Variants in SNX2 observed in about 807,000 individuals in gnomAD.
SNX2 encodes the protein sorting nexin 2.
In SNX2, 25 loss-of-function variants were observed where a neutral mutation model predicts 69.9. The ratio of observed to expected loss-of-function variants is 0.36; its 90% CI spans 0.26 to 0.50. SNX2 has a LOEUF of 0.50. SNX2 is among the 20% of genes least tolerant of loss of function. The pLI is 0.97. For missense variants in SNX2, 551 were observed against 613.3 expected (o/e 0.90, Z 1.07); for synonymous variants, 229 against 200.4 (o/e 1.14, Z -1.20).
intron 1 of SNX2, among the ~76,000 whole-genome samples, chr5:122,776,027 C>T (rs1316202501): frequency 6.6e-6 from 1 of 152,096 alleles, no homozygotes; most frequent in East Asian, 1.9e-4. Flanking sequence ...GTATTGGGCC[C>T]TCCTTATATC....
At chr5:122,794,904 T>C (rs550214216) in intron 1 of SNX2, among the ~76,000 whole-genome samples, 2 of 152,122 alleles carry the variant, frequency 1.3e-5, no homozygotes, top group Non-Finnish European at 2.9e-5. Context: ...GCATTTTTAG[T>C]CCCAGCTACC....
intron 1 of SNX2, among the ~76,000 whole-genome samples, chr5:122,784,770 C>T (rs1336177066): frequency 6.6e-6 from 1 of 151,976 alleles, no homozygotes; most frequent in Non-Finnish European, 1.5e-5. Flanking sequence ...CGAGTGTTTC[C>T]TCTTATTTCA....
chr5:122,822,235 C>T (rs1419398006), intron 11 of SNX2, among the ~76,000 whole-genome samples: 2 of 152,138 alleles, frequency 1.3e-5, no homozygotes, highest in Non-Finnish European at 2.9e-5. Context: ...GGACTATAGG[C>T]GTGTGCCACC....
At chr5:122,779,322 C>G (rs1449426418) in intron 1 of SNX2, among the ~76,000 whole-genome samples, 1 of 152,096 alleles carries the variant, frequency 6.6e-6, no homozygotes, top group African/African-American at 2.4e-5. Flanking sequence ...GCCTTAATTC[C>G]CTCATCCCCT....
intron 1 of SNX2, among the ~76,000 whole-genome samples, chr5:122,780,204 C>T (rs1203660226): frequency 1.3e-5 from 2 of 152,036 alleles, no homozygotes; most frequent in South Asian, 2.1e-4. Flanking sequence ...AACACTAAAC[C>T]GGGATCTTTG....
At chr5:122,782,637 A>C (rs1008477138) in intron 1 of SNX2, among the ~76,000 whole-genome samples, 3 of 151,740 alleles carry the variant, frequency 2.0e-5, no homozygotes, top group African/African-American at 7.3e-5. Context: ...CCCCAGTTCA[A>C]GCGATTCTCC....
Position 122,817,351 on chromosome 5 carries a change from A to G in SNX2, c.984A>G (p.Glu328=). The G allele has an allele frequency of 6.2e-7, 1 of 1,613,874 alleles. No individual in the cohort carries two copies. Among genetic ancestry groups the G allele is most frequent in the Non-Finnish European group, 8.5e-7 (1 of 1,179,808 alleles). The change falls in exon 10 of 15, where the codon GAA becomes GAG. Residue 328 remains glutamate (E), a synonymous_variant. Coordinates refer to ENST00000379516, the MANE Select transcript of SNX2 (RefSeq NM_003100.4). Reference sequence around the variant, plus strand: ...TTAGGAAACTTCATGTCAGTGTTGAAGCCTTGGTCTGTCATAGAAAAGGTT... The same window carrying G: ...TTAGGAAACTTCATGTCAGTGTTGAGGCCTTGGTCTGTCATAGAAAAGGTT... ...QQLRKLHVSV[E]ALVCHRKELS... is the part of the protein sequence containing the mutation.
chr5:122,817,414 C>A (rs540880558), intron 10 of SNX2, 41 bp downstream of exon 10: 270 of 1,190,950 alleles, frequency 2.3e-4, no homozygotes, highest in Non-Finnish European at 3.1e-4. Context: ...CACCATAAAA[C>A]TAATGAAAAT....
Position 122,829,543 on chromosome 5 carries a change from A to G in SNX2, c.1510-55A>G, listed in dbSNP as rs1028261839. The G allele has an allele frequency of 2.8e-6, 4 of 1,417,742 alleles. No homozygotes were observed. In the African/African-American group the frequency reaches 5.7e-5, roughly 20 times the overall value. 87.8% of individuals were successfully genotyped at this position (1,417,742 alleles called of 1,614,324 possible). A position where few individuals can be genotyped will look rare whatever the true frequency, so the allele number is the denominator to read the frequency against. ...TTTTAATGCTGTACAGGATATATGC[A>G]TATAAATGACAAAAAGGTAATGAGA... On this transcript the variant is annotated intron_variant, in intron 14 of 14. Transcript: ENST00000379516.
intron 1 of SNX2, among the ~76,000 whole-genome samples, chr5:122,789,452 C>CACAT (rs1753171970): frequency 1.7e-5 from 2 of 117,890 alleles, no homozygotes; most frequent in Admixed American, 9.8e-5. Flanking sequence ...TACACACACA[C>CACAT]ACACACACAC....
intron 11 of SNX2, among the ~76,000 whole-genome samples, chr5:122,822,668 T>A (rs1754051010): frequency 6.6e-6 from 1 of 152,332 alleles, no homozygotes; most frequent in East Asian, 1.9e-4. Context: ...AACGCCTGTT[T>A]TCCTCTTTTG....
rs1338777478 is a variant in SNX2, at chr5:122,832,691, G to T, written c.*3043G>T. On this transcript the variant is annotated 3_prime_UTR_variant, in exon 15 of 15. Transcript: ENST00000379516. ...TTAACATAATCAGCTTTCTTTAAAG[G>T]AGGAAGTCAGATGAGTAGAGAAGGA... The T allele has an allele frequency of 6.6e-6, 1 of 152,142 alleles. No homozygotes were observed. The highest frequency in any genetic ancestry group is 2.1e-4 in the South Asian group (1 of 4,824). 9.4% of individuals were successfully genotyped at this position (152,142 alleles called of 1,614,324 possible).
At chr5:122,784,971 A>G (rs1753050669) in intron 1 of SNX2, among the ~76,000 whole-genome samples, 1 of 152,214 alleles carries the variant, frequency 6.6e-6, no homozygotes, top group African/African-American at 2.4e-5. Context: ...TTATCCATTC[A>G]GTCTCAGTTG....
At chr5:122,789,473 G>C (rs11750236) in intron 1 of SNX2, among the ~76,000 whole-genome samples, 1 of 36,750 alleles carries the variant, frequency 2.7e-5, no homozygotes, top group African/African-American at 1.2e-4. Flanking sequence ...AGACACACAC[G>C]GACACACACA....
chr5:122,814,091 T>G (rs909023962), intron 7 of SNX2, among the ~76,000 whole-genome samples: 1 of 152,176 alleles, frequency 6.6e-6, no homozygotes, highest in East Asian at 1.9e-4. Context: ...AAGTACTAGA[T>G]GTTTTGTCCT....
Position 122,818,902 on chromosome 5 carries a change from T to G in SNX2, c.1091T>G (p.Leu364Trp). ...GATCATACTGCTTTATCTAGAGCTT[T>G]GTCTCAGCTTGCAGAGGTTGAGGAG... Reference protein sequence around the residue: ...SEDHTALSRALSQLAEVEEKI... With the variant: ...SEDHTALSRAWSQLAEVEEKI... Residue 364 changes from leucine (L) to tryptophan (W), a missense_variant, in exon 11 of 15, where the codon TTG becomes TGG. By Grantham distance (61) the Leu-to-Trp change is moderately conservative. Coordinates refer to ENST00000379516, the MANE Select transcript of SNX2 (RefSeq NM_003100.4). 1.2e-6 allele frequency: 2 copies of G among 1,614,030 alleles called. No individual in the cohort carries two copies. Among genetic ancestry groups the G allele is most frequent in the Non-Finnish European group, 1.7e-6 (2 of 1,179,910 alleles).
At chr5:122,779,894 C>G (rs1282550695) in intron 1 of SNX2, among the ~76,000 whole-genome samples, 4 of 152,072 alleles carry the variant, frequency 2.6e-5, no homozygotes, top group African/African-American at 9.7e-5. Flanking sequence ...CTCCTGTCCT[C>G]CCCTTACAGG....
At chr5:122,819,928 A>G (rs2150015621) in intron 11 of SNX2, among the ~76,000 whole-genome samples, 1 of 152,294 alleles carries the variant, frequency 6.6e-6, no homozygotes, top group South Asian at 2.1e-4. Flanking sequence ...CATTCTTAGC[A>G]CTTCAGAATG....
chr5:122,775,800 C>G, intron 1 of SNX2: 1 of 981,774 alleles, frequency 1.0e-6, no homozygotes, highest in Non-Finnish European at 1.2e-6. Context: ...TCTTTAGTTC[C>G]TAGACTTTTA....
Sources: allele counts gnomAD v4.1 joint callset (sites outside exome capture counted in the v4.1 genomes callset), GRCh38; gene constraint gnomAD v4.1.1; transcripts MANE v1.5; gene names NCBI Gene and HGNC (gene_info 2026-07-23, HGNC 2026-07-21).